Variants in RBFOX1 observed in about 807,000 individuals in gnomAD.
RBFOX1 encodes RNA binding protein fox-1 homolog 1.
A neutral mutation model predicts 57.7 loss-of-function variants in RBFOX1; 8 were observed. That is an observed-to-expected ratio of 0.14 (90% CI 0.08 to 0.25). RBFOX1 has a LOEUF of 0.25. Ranked by LOEUF, RBFOX1 falls within the 10% of genes least tolerant of loss-of-function variation. The pLI, the probability that RBFOX1 is intolerant of heterozygous loss-of-function variation, is 1.00. For synonymous variants in RBFOX1, 326 were observed against 222.4 expected (o/e 1.47, Z -4.15); for missense variants, 611 against 548.5 (o/e 1.11, Z -1.14).
At position 6,637,542 on chromosome 16, in the gene RBFOX1, A is replaced by C. The variant is rs868163291; in HGVS notation, c.-63-17061A>C. Among the ~76,000 whole-genome samples, 72 of 114,432 alleles carry C rather than the reference A, an allele frequency of 6.3e-4. No homozygotes were observed. In the Middle Eastern group the frequency reaches 0.013, roughly 21 times the overall value. 75.1% of individuals were successfully genotyped at this position (114,432 alleles called of 152,430 possible). ...ATATAATATTCTGTATAGTATATACAATCTGCATAGTATATATAATATTCT... is the reference window on the plus strand; with the variant it reads ...ATATAATATTCTGTATAGTATATACCATCTGCATAGTATATATAATATTCT... On this transcript the variant is annotated intron_variant, in intron 2 of 15. Transcript: ENST00000550418.
At chr16:6,564,248 T>C (rs551704626) in intron 2 of RBFOX1, among the ~76,000 whole-genome samples, 37 of 152,298 alleles carry the variant, frequency 2.4e-4, no homozygotes, top group East Asian at 1.9e-3. Flanking sequence ...AAGAGCATCA[T>C]GTACATATGG....
At chr16:5,768,868 TTTTG>T (rs923570067) in intron 3 of RBFOX1, among the ~76,000 whole-genome samples, 1 of 152,034 alleles carries the variant, frequency 6.6e-6, no homozygotes, top group African/African-American at 2.4e-5. Flanking sequence ...CATCACTGTT[TTTTG>T]TTTGTTTGTT....
intron 4 of RBFOX1, among the ~76,000 whole-genome samples, chr16:7,306,711 G>C (rs147338204): frequency 6.6e-6 from 1 of 152,208 alleles, no homozygotes; most frequent in East Asian, 1.9e-4. Flanking sequence ...GAAGCTCACC[G>C]CTAGGGTGTA....
chr16:6,060,122 GTTTTTTTTTTTTTTTTTTTT>G (rs199690584), intron 1 of RBFOX1, among the ~76,000 whole-genome samples: 29,649 of 114,408 alleles, frequency 0.26, 3,933 homozygotes, highest in East Asian at 0.39. Context: ...TAGGATTAGG[GTTTTTTTTTTTTTTTTTTTT>G]TTTTTTTTTT....
chr16:7,391,510 C>T (rs995502424), intron 4 of RBFOX1, among the ~76,000 whole-genome samples: 6 of 152,316 alleles, frequency 3.9e-5, no homozygotes, highest in African/African-American at 1.2e-4. Flanking sequence ...TGCTTTTGGA[C>T]CAGTTTCCTT....
chr16:6,967,155 A>T (rs539517110), intron 3 of RBFOX1, among the ~76,000 whole-genome samples: 11 of 151,728 alleles, frequency 7.2e-5, no homozygotes, highest in African/African-American at 2.7e-4. Context: ...TTCATCATCT[A>T]TCCATGTGTT....
intron 4 of RBFOX1, among the ~76,000 whole-genome samples, chr16:7,387,323 A>G (rs975856564): frequency 6.6e-6 from 1 of 152,178 alleles, no homozygotes; most frequent in Non-Finnish European, 1.5e-5. Flanking sequence ...AGATAAGAAA[A>G]CTGAGACCCA....
chr16:5,713,371 A>G (rs2051566867), intron 3 of RBFOX1, among the ~76,000 whole-genome samples: 3 of 152,178 alleles, frequency 2.0e-5, no homozygotes, highest in South Asian at 4.1e-4. Flanking sequence ...AGGGGCGTTT[A>G]AGAGCTCTTC....
intron 3 of RBFOX1, among the ~76,000 whole-genome samples, chr16:6,888,163 A>G (rs191368997): frequency 3.9e-5 from 6 of 152,328 alleles, no homozygotes; most frequent in Admixed American, 3.3e-4. Context: ...AGTAGGCAGT[A>G]GTTGTGACAT....
chr16:5,601,809 CA>C (rs1293616163), downstream of RBFOX1: 2 of 152,206 alleles, frequency 1.3e-5, no homozygotes, highest in African/African-American at 4.8e-5. Flanking sequence ...TAATTGCCCA[CA>C]ATAGGATCAA....
At chr16:6,643,653 C>G (rs1022937750) in intron 2 of RBFOX1, among the ~76,000 whole-genome samples, 1 of 152,128 alleles carries the variant, frequency 6.6e-6, no homozygotes, top group Non-Finnish European at 1.5e-5. Flanking sequence ...GTATAAAATA[C>G]ATAGCTCGTA....
chr16:6,768,803 A>C (rs1230802091), intron 3 of RBFOX1, among the ~76,000 whole-genome samples: 1 of 149,650 alleles, frequency 6.7e-6, no homozygotes, highest in Non-Finnish European at 1.5e-5. Context: ...AACTCAGCTC[A>C]CTGCAACCTC....
intron 1 of RBFOX1, among the ~76,000 whole-genome samples, chr16:6,211,227 A>ATTTT (rs140569689): frequency 0.18 from 19,066 of 103,758 alleles, 2,050 homozygotes; most frequent in Middle Eastern, 0.31. Flanking sequence ...AATCTAGTTA[A>ATTTT]CTTTTTTTTT....
chr16:5,931,514 G>A lies in RBFOX1; in HGVS notation c.351+64179G>A, dbSNP rs546285445. On this transcript the variant is annotated intron_variant, in intron 4 of 19. Transcript: ENST00000641259. ...GCTGAAAAAGCAACAGATGCCCACC[G>A]TAGCCCTGCATGCTCAACCACATTC... Among the ~76,000 whole-genome samples, 193 of 152,262 alleles carry A rather than the reference G, an allele frequency of 1.3e-3. 1 individual carries two copies. The highest frequency in any genetic ancestry group is 3.4e-3 in the Middle Eastern group (1 of 292).
At chr16:5,288,069 G>T (rs940106848) in intron 1 of RBFOX1, among the ~76,000 whole-genome samples, 28 of 152,204 alleles carry the variant, frequency 1.8e-4, no homozygotes, top group African/African-American at 6.3e-4. Flanking sequence ...ATGTAATTGT[G>T]TACGGCCGAC....
At chr16:5,402,962 G>A (rs771151840) in intron 1 of RBFOX1, among the ~76,000 whole-genome samples, 4 of 152,082 alleles carry the variant, frequency 2.6e-5, no homozygotes, top group Non-Finnish European at 4.4e-5. Flanking sequence ...GGAATTCATC[G>A]CACAGTACCA....
chr16:7,296,356 A>G (rs1030864945), intron 4 of RBFOX1, among the ~76,000 whole-genome samples: 1 of 146,066 alleles, frequency 6.8e-6, no homozygotes, highest in African/African-American at 2.6e-5. Flanking sequence ...GTGTGTATGT[A>G]TGAATGTACT....
At chr16:6,776,540 C>T (rs1339003960) in intron 3 of RBFOX1, among the ~76,000 whole-genome samples, 4 of 152,116 alleles carry the variant, frequency 2.6e-5, no homozygotes, top group Non-Finnish European at 5.9e-5. Context: ...AATTACAGAG[C>T]TTGATCAAGT....
intron 2 of RBFOX1, among the ~76,000 whole-genome samples, chr16:6,423,026 A>G (rs921953052): frequency 6.6e-6 from 1 of 152,184 alleles, no homozygotes; most frequent in Non-Finnish European, 1.5e-5. Flanking sequence ...TCCATGCTGT[A>G]TATGTACTAC....
Sources: gnomAD v4.1 joint callset for allele counts (sites outside exome capture counted in the v4.1 genomes callset) on GRCh38, gnomAD v4.1.1 for gene constraint, MANE v1.5 for transcripts, NCBI Gene and HGNC (gene_info 2026-07-23, HGNC 2026-07-21) for gene names.